Variants in CLASRP observed in about 807,000 individuals in gnomAD.
CLASRP encodes the protein CLK4-associating serine/arginine rich protein.
CLASRP carries 52 observed loss-of-function variants against 99.9 expected under a neutral mutation model. The ratio of observed to expected loss-of-function variants is 0.52; its 90% CI spans 0.42 to 0.66. The LOEUF (loss-of-function observed/expected upper bound fraction) is 0.66. Among genes scored for constraint, CLASRP ranks in the 30% least tolerant of loss-of-function variants. The pLI, the probability that CLASRP is intolerant of heterozygous loss-of-function variation, is 0.00. For missense variants in CLASRP, 848 were observed against 999.2 expected (o/e 0.85, Z 2.04); for synonymous variants, 379 against 373.0 (o/e 1.02, Z -0.18).
At chr19:45,066,270 C>T (rs1967085414) in intron 13 of CLASRP, among the ~76,000 whole-genome samples, 1 of 151,956 alleles carries the variant, frequency 6.6e-6, no homozygotes, top group Middle Eastern at 3.2e-3. Flanking sequence ...CAGGCATGCG[C>T]CACCACACCT....
rs1340345441 is a variant in CLASRP at position 45,056,434 on chromosome 19, C to G, written c.380-16C>G. 14 of 1,613,150 alleles carry G rather than the reference C, an allele frequency of 8.7e-6. No homozygotes were observed. The highest frequency in any genetic ancestry group is 1.1e-5 in the Non-Finnish European group (13 of 1,179,248). The stretch of plus-strand genomic sequence containing the variant: ...TCCCCAACCCACTCTGACCTGGGGT[C>G]TCTTGTTTGCTGCAGTCTCAGAGGA... On this transcript the variant is annotated splice_polypyrimidine_tract_variant and intron_variant, in intron 5 of 20. Transcript: ENST00000221455.
intron 2 of CLASRP, chr19:45,047,359 C>T (rs1971938344): frequency 7.1e-6 from 1 of 140,578 alleles, no homozygotes; most frequent in Non-Finnish European, 1.5e-5. Flanking sequence ...CTGCAGTGAA[C>T]TGTGATCACA....
At chr19:45,049,381 C>G (rs1326632394) in intron 2 of CLASRP, among the ~76,000 whole-genome samples, 1 of 152,178 alleles carries the variant, frequency 6.6e-6, no homozygotes, top group African/African-American at 2.4e-5. Flanking sequence ...TCGAGGGAGG[C>G]AGGCGAGGTG....
intron 3 of CLASRP, among the ~76,000 whole-genome samples, chr19:45,052,453 G>C (rs1241078199): frequency 6.6e-6 from 1 of 152,172 alleles, no homozygotes; most frequent in African/African-American, 2.4e-5. Flanking sequence ...TGCCAGACCC[G>C]AGCTGGCTCA....
At chr19:45,068,321 A>AACC in intron 15 of CLASRP, 99 bp from the exon 16 acceptor site, 1 of 382,730 alleles carries the variant, frequency 2.6e-6, no homozygotes, top group Non-Finnish European at 4.9e-6. Context: ...TCCCCCCCCC[A>AACC]CCCCCCCCCC....
rs1366843814 is a variant in CLASRP, at chr19:45,067,885, G to C, written c.1668-130G>C. ...TTCTGTGGGGTCTGAGAGGGACATG[G>C]TTGCACCCTGGGGCATCTGAGGCCC... On this transcript the variant is annotated intron_variant, in intron 14 of 20. Coordinates refer to ENST00000221455, the MANE Select transcript of CLASRP (RefSeq NM_007056.3). The surrounding 1 kb of genome is among the most constrained non-coding windows in gnomAD (Gnocchi z 4.9). The C allele has an allele frequency of 4.0e-6, 3 of 750,342 alleles. No homozygotes were observed. The highest frequency in any genetic ancestry group is 7.1e-6 in the Non-Finnish European group (3 of 420,178). The allele number at this position is 750,342 out of a possible 1,614,324, so 46.5% of individuals were successfully genotyped here.
intron 20 of CLASRP, 64 bp downstream of exon 20, chr19:45,070,625 G>A: frequency 6.7e-7 from 1 of 1,496,092 alleles, no homozygotes; most frequent in Non-Finnish European, 9.3e-7. Flanking sequence ...GGGAGGTCCT[G>A]GCTGTCATTC....
chr19:45,051,943 G>A (rs1568413989), intron 2 of CLASRP, 128 bp from the exon 3 acceptor site: 8 of 691,014 alleles, frequency 1.2e-5, no homozygotes, highest in South Asian at 5.1e-5. Context: ...ACTCCAGCCT[G>A]GGCGACAGAG....
Position 45,053,173 on chromosome 19 carries a change from C to T in CLASRP, c.375C>T (p.Ala125=), listed in dbSNP as rs766664764. The T allele has an allele frequency of 9.3e-6, 15 of 1,613,814 alleles. No homozygotes were observed. Among genetic ancestry groups the T allele is most frequent in the East Asian group, 8.9e-5 (4 of 44,890 alleles). ...GAGGCCTGGTGCAGAACGACTTTGC[C>T]GGCAGTGAGTGATCTGTGGGGGGAC... ...RYRGLVQNDF[A]GISEEQCLYQ... Residue 125 remains alanine, a synonymous_variant, in exon 5 of 21, where the codon GCC becomes GCT. Coordinates refer to ENST00000221455, the MANE Select transcript of CLASRP (RefSeq NM_007056.3).
intron 5 of CLASRP, among the ~76,000 whole-genome samples, chr19:45,055,140 A>G (rs897342368): frequency 5.9e-5 from 9 of 152,140 alleles, no homozygotes; most frequent in African/African-American, 1.7e-4. Context: ...CGGTGTGGCA[A>G]TGGTAGGGGA....
intron 18 of CLASRP, 91 bp downstream of exon 18, chr19:45,069,339 T>C: frequency 7.7e-7 from 1 of 1,306,390 alleles, no homozygotes; most frequent in Non-Finnish European, 1.1e-6. Flanking sequence ...CCTGCCCAGC[T>C]CCCTGTGGGT....
chr19:45,053,124 G>A lies in CLASRP; in HGVS notation c.326G>A (p.Arg109Gln), dbSNP rs775426432. 2.0e-5 allele frequency: 33 copies of A among 1,613,964 alleles called. No homozygotes were observed. The East Asian group carries it at 4.5e-4, about 22-fold the overall frequency. The change falls in exon 5 of 21, where the codon CGG becomes CAG. Residue 109 changes from arginine (R) to glutamine (Q), a missense_variant. Around this residue, in one of 8 missense-constraint regions of CLASRP, gnomAD observed 54 missense variants for 38.7 expected, o/e 1.39. Coordinates refer to ENST00000221455, the MANE Select transcript of CLASRP (RefSeq NM_007056.3). ...TISPEQESDE[R>Q]KCNYERYRGL... Reference sequence around the variant, plus strand: ...TCCCCAGAACAGGAGTCGGACGAACGGAAGTGTAACTACGAGCGCTACAGA... The same window carrying A: ...TCCCCAGAACAGGAGTCGGACGAACAGAAGTGTAACTACGAGCGCTACAGA...
chr19:45,057,450 G>T (rs958405981), intron 6 of CLASRP, among the ~76,000 whole-genome samples: 2 of 152,226 alleles, frequency 1.3e-5, no homozygotes, highest in African/African-American at 4.8e-5. Flanking sequence ...TGGGACTCAT[G>T]GTCTAGGCGG....
chr19:45,068,330 C>G, intron 15 of CLASRP, 90 bp from the exon 16 acceptor site: 2 of 650,060 alleles, frequency 3.1e-6, no homozygotes, highest in Non-Finnish European at 5.6e-6. Context: ...CACCCCCCCC[C>G]CGCACAAAGC....
At chr19:45,055,814 C>G (rs1972109676) in intron 5 of CLASRP, among the ~76,000 whole-genome samples, 1 of 152,010 alleles carries the variant, frequency 6.6e-6, no homozygotes, top group South Asian at 2.1e-4. Context: ...GCCTGTGCAA[C>G]AAGAGTGAAA....
rs780865217 is a variant in CLASRP, at chr19:45,067,630, A to G, written c.1667+36A>G. Reference sequence around the variant, plus strand: ...CGGGTCTGGAGGAAGAGGGCTGCCAATCTCGGGTGGGGAGGGTGAACATCA... The same window carrying G: ...CGGGTCTGGAGGAAGAGGGCTGCCAGTCTCGGGTGGGGAGGGTGAACATCA... On this transcript the variant is annotated intron_variant, in intron 14 of 20. Coordinates refer to ENST00000221455, the MANE Select transcript of CLASRP (RefSeq NM_007056.3). The surrounding 1 kb of genome is among the most constrained non-coding windows in gnomAD (Gnocchi z 4.9). The G allele has an allele frequency of 8.4e-6, 13 of 1,543,372 alleles. No homozygotes were observed. Among genetic ancestry groups the G allele is most frequent in the Middle Eastern group, 1.7e-4 (1 of 5,830 alleles).
At position 45,067,432 on chromosome 19, in the gene CLASRP, C is replaced by T. The variant is rs888593798; in HGVS notation, c.1505C>T (p.Pro502Leu). 1.5e-5 allele frequency: 23 copies of T among 1,535,378 alleles called. No homozygotes were observed. Among genetic ancestry groups the T allele is most frequent in the Middle Eastern group, 1.8e-4 (1 of 5,554 alleles). ...AGCCGCAGCAGCTGGTCCCTCAGCC[C>T]GTCCCGCAGTCGCAGCCTGACTCGC... ...SRSRSSWSLS[P>L]SRSRSLTRSR... The change falls in exon 14 of 21, where the codon CCG (proline) becomes CTG (leucine). Residue 502 changes from proline to leucine, a missense_variant. Physicochemically the swap from Pro to Leu is moderately conservative, Grantham distance 98. Around this residue, in one of 8 missense-constraint regions of CLASRP, gnomAD observed 489 missense variants for 434.7 expected, o/e 1.12. Transcript: ENST00000221455. This position sits in a 1 kb window ranked among gnomAD's most constrained non-coding sequence, Gnocchi z 4.9.
chr19:45,063,556 G>T (rs577366582), intron 11 of CLASRP, among the ~76,000 whole-genome samples: 1 of 146,464 alleles, frequency 6.8e-6, no homozygotes, highest in African/African-American at 2.5e-5. Context: ...AGCAGTTCTC[G>T]TGCCCTCAGC....
intron 2 of CLASRP, among the ~76,000 whole-genome samples, chr19:45,042,683 G>T (rs1220395207): frequency 1.3e-5 from 2 of 151,548 alleles, no homozygotes; most frequent in Non-Finnish European, 2.9e-5. Context: ...CATGATGTCA[G>T]CTCACTGTAA....
Sources: allele counts gnomAD v4.1 joint callset (sites outside exome capture counted in the v4.1 genomes callset), GRCh38; gene constraint gnomAD v4.1.1; regional missense constraint gnomAD v4.1.1; non-coding constraint Gnocchi (gnomAD v3.1); transcripts MANE v1.5; gene names NCBI Gene and HGNC (gene_info 2026-07-23, HGNC 2026-07-21).